The following AHCYL2 variants were observed in gnomAD, a reference collection of about 807,000 sequenced individuals.
AHCYL2 encodes the protein adenosylhomocysteinase like 2, also known as S-adenosylhomocysteine hydrolase-like protein 2.
A neutral mutation model predicts 81.4 loss-of-function variants in AHCYL2; 28 were observed. The ratio of observed to expected loss-of-function variants is 0.34; its 90% CI spans 0.25 to 0.47. AHCYL2 has a LOEUF of 0.47. Ranked by LOEUF, AHCYL2 falls within the 20% of genes least tolerant of loss-of-function variation. The pLI, the probability that AHCYL2 is intolerant of heterozygous loss-of-function variation, is 1.00. For missense variants in AHCYL2, 551 were observed against 785.1 expected, an observed-to-expected ratio of 0.70 and a Z score of 3.56; for synonymous variants, 272 against 290.2, an observed-to-expected ratio of 0.94 and a Z score of 0.64.
chr7:129,311,105 C>CA (rs56828305), intron 1 of AHCYL2, among the ~76,000 whole-genome samples: 3,817 of 109,084 alleles, frequency 0.035, 71 homozygotes, highest in East Asian at 0.12. Flanking sequence ...AACCCTGTCT[C>CA]AAAAAAAAAA....
intron 1 of AHCYL2, among the ~76,000 whole-genome samples, chr7:129,283,693 T>A (rs1796528356): frequency 1.3e-5 from 2 of 152,198 alleles, no homozygotes; most frequent in Admixed American, 1.3e-4. Flanking sequence ...AAAAGAGGTT[T>A]AATATGTTCT....
At chr7:129,394,300 G>A (rs2150914321) in intron 4 of AHCYL2, among the ~76,000 whole-genome samples, 1 of 151,612 alleles carries the variant, frequency 6.6e-6, no homozygotes, top group African/African-American at 2.4e-5. Flanking sequence ...ATGAGTCACT[G>A]TGCCTGGCTC....
intron 1 of AHCYL2, among the ~76,000 whole-genome samples, chr7:129,373,134 T>C (rs1419831186): frequency 6.6e-6 from 1 of 152,186 alleles, no homozygotes; most frequent in Non-Finnish European, 1.5e-5. Context: ...TACAAAATCT[T>C]GGGCCCTCTC....
At chr7:129,294,363 A>G (rs1159468221) in intron 1 of AHCYL2, among the ~76,000 whole-genome samples, 1 of 152,214 alleles carries the variant, frequency 6.6e-6, no homozygotes, top group African/African-American at 2.4e-5. Context: ...CATTGAAATC[A>G]GAAGGGTTAG....
At chr7:129,293,207 G>A (rs571257385) in intron 1 of AHCYL2, among the ~76,000 whole-genome samples, 6 of 151,990 alleles carry the variant, frequency 3.9e-5, no homozygotes, top group Admixed American at 2.6e-4. Flanking sequence ...TAATGGTTGC[G>A]GAAAAGGAAT....
At chr7:129,322,324 G>A (rs1798066280) in intron 1 of AHCYL2, among the ~76,000 whole-genome samples, 1 of 151,736 alleles carries the variant, frequency 6.6e-6, no homozygotes, top group South Asian at 2.1e-4. Context: ...ATTTTTAGTA[G>A]AGGCGTGGTT....
At chr7:129,403,900 T>TATGAGGTATGA in intron 7 of AHCYL2, among the ~76,000 whole-genome samples, 2 of 131,154 alleles carry the variant, frequency 1.5e-5, no homozygotes, top group Non-Finnish European at 3.3e-5. Flanking sequence ...AATTGGAGCC[T>TATGAGGTATGA]GCTATGAGGT....
chr7:129,412,376 G>A, intron 11 of AHCYL2, among the ~76,000 whole-genome samples: 1 of 150,042 alleles, frequency 6.7e-6, no homozygotes, highest in Non-Finnish European at 1.5e-5. Flanking sequence ...CACCTCCCGT[G>A]TGCAAGGGAT....
At chr7:129,317,014 A>T (rs1324990153) in intron 1 of AHCYL2, among the ~76,000 whole-genome samples, 1 of 152,198 alleles carries the variant, frequency 6.6e-6, no homozygotes, top group Non-Finnish European at 1.5e-5. Context: ...TATTGTCTTC[A>T]TTGCGGGCCA....
At chr7:129,308,169 G>A (rs1245630939) in intron 1 of AHCYL2, among the ~76,000 whole-genome samples, 2 of 152,122 alleles carry the variant, frequency 1.3e-5, no homozygotes, top group Admixed American at 6.5e-5. Flanking sequence ...GACTTGCCCA[G>A]GAGTTGTAGT....
intron 1 of AHCYL2, among the ~76,000 whole-genome samples, chr7:129,231,797 C>T (rs1794451192): frequency 6.6e-6 from 1 of 152,162 alleles, no homozygotes; most frequent in African/African-American, 2.4e-5. Context: ...GTAACAGTTC[C>T]CAACTCTAAA....
At chr7:129,410,286 G>C in intron 11 of AHCYL2, 8 of 1,614,026 alleles carry the variant, frequency 5.0e-6, no homozygotes, top group Non-Finnish European at 5.9e-6. Flanking sequence ...TGTTTCTTAC[G>C]GGTCTCCAGG....
chr7:129,292,317 A>G lies in AHCYL2; in HGVS notation c.363+66878A>G, dbSNP rs569469851. On this transcript the variant is annotated intron_variant, in intron 1 of 16. Transcript: ENST00000325006. ...GAATTTATGCGTGGATAAAGATAAA[A>G]TAAGTCACAAGCACTATAATAATCA... Among the ~76,000 whole-genome samples, 5 of 152,342 alleles carry G rather than the reference A, an allele frequency of 3.3e-5. No individual in the cohort carries two copies. The East Asian group carries it at 9.6e-4, about 29-fold the overall frequency.
At chr7:129,347,741 A>C (rs553761557) in intron 1 of AHCYL2, among the ~76,000 whole-genome samples, 18 of 152,280 alleles carry the variant, frequency 1.2e-4, no homozygotes, top group African/African-American at 4.1e-4. Context: ...GGATGTTTAT[A>C]TTGCCAGGGG....
rs1794652322 is a variant in AHCYL2 at position 129,375,758 on chromosome 7, C to CA, written c.364-3875dup. 6 of 1,498,642 alleles carry CA rather than the reference C, an allele frequency of 4.0e-6. No homozygotes were observed. In the South Asian group the frequency reaches 7.8e-5, roughly 20 times the overall value. The allele number at this position is 1,498,642 out of a possible 1,614,324, so 92.8% of individuals were successfully genotyped here. ...AAGAGTAGTCCCCCACTCCCCAGCC[C>CA]AAAAAGCTGGCTGGAACCAGAGCCA... On this transcript the variant is annotated intron_variant, in intron 1 of 16. Transcript: ENST00000325006.
At chr7:129,247,658 T>C (rs938688047) in intron 1 of AHCYL2, among the ~76,000 whole-genome samples, 1 of 152,088 alleles carries the variant, frequency 6.6e-6, no homozygotes, top group African/African-American at 2.4e-5. Flanking sequence ...TGGAGTGCAG[T>C]AGCATGATCA....
chr7:129,402,639 G>C (rs1266810874), intron 6 of AHCYL2, among the ~76,000 whole-genome samples: 1 of 152,194 alleles, frequency 6.6e-6, no homozygotes, highest in Non-Finnish European at 1.5e-5. Context: ...CTCTGCTGAT[G>C]AAAGCTCCAG....
chr7:129,409,513 A>G lies in AHCYL2; in HGVS notation c.1333A>G (p.Ile445Val). ...TCGACTGGTGAAATTAAATGAGGTC[A>G]TCCGACAAGTGGACATTGTTATTAC... ...GFRLVKLNEV[I>V]RQVDIVITCT... Residue 445 changes from isoleucine (I) to valine (V), a missense_variant, in exon 11 of 17, where the codon ATC (isoleucine) becomes GTC (valine). By Grantham distance (29) the Ile-to-Val change is conservative. Coordinates refer to ENST00000325006, the MANE Select transcript of AHCYL2 (RefSeq NM_015328.4). The G allele has an allele frequency of 6.2e-7, 1 of 1,613,944 alleles. No homozygotes were observed. Among genetic ancestry groups the G allele is most frequent in the South Asian group, 1.1e-5 (1 of 91,020 alleles).
At chr7:129,399,568 G>A (rs1357336827) in intron 5 of AHCYL2, among the ~76,000 whole-genome samples, 1 of 152,166 alleles carries the variant, frequency 6.6e-6, no homozygotes, top group Non-Finnish European at 1.5e-5. Context: ...GTTTTAGCAA[G>A]TGGAGAAACA....
Sources: gnomAD v4.1 joint callset for allele counts (sites outside exome capture counted in the v4.1 genomes callset) on GRCh38, gnomAD v4.1.1 for gene constraint, MANE v1.5 for transcripts, NCBI Gene and HGNC (gene_info 2026-07-23, HGNC 2026-07-21) for gene names.